Variants in DPP10 observed in about 807,000 individuals in gnomAD.
DPP10 encodes dipeptidyl peptidase like 10.
DPP10 carries 33 observed loss-of-function variants against 120.9 expected under a neutral mutation model. That is an observed-to-expected ratio of 0.27 (90% CI 0.21 to 0.37). The LOEUF is 0.37. DPP10 is among the 10% of genes least tolerant of loss of function. The probability of loss-of-function intolerance (pLI) is 1.00; values close to 1 mark genes in which losing one functional copy is unlikely to be tolerated. For synonymous variants in DPP10, 337 were observed against 326.1 expected (o/e 1.03, Z -0.36); for missense variants, 816 against 942.8 (o/e 0.87, Z 1.76).
chr2:115,390,400 G>A (rs952298425), intron 3 of DPP10, among the ~76,000 whole-genome samples: 2 of 152,108 alleles, frequency 1.3e-5, no homozygotes, highest in African/African-American at 2.4e-5. Flanking sequence ...TTGATGACAC[G>A]TTGCATGTGT....
intron 2 of DPP10, among the ~76,000 whole-genome samples, chr2:115,314,234 C>T (rs1411899086): frequency 2.6e-5 from 4 of 152,182 alleles, no homozygotes; most frequent in Non-Finnish European, 4.4e-5. Flanking sequence ...GAAATAGCCA[C>T]CTGCGAACTG....
intron 1 of DPP10, among the ~76,000 whole-genome samples, chr2:114,589,400 T>G (rs966008191): frequency 6.6e-6 from 1 of 152,220 alleles, no homozygotes; most frequent in Non-Finnish European, 1.5e-5. Context: ...CAAACAGATA[T>G]AACGTGAATT....
chr2:115,764,355 A>G (rs1000398835), intron 12 of DPP10, among the ~76,000 whole-genome samples: 9 of 152,106 alleles, frequency 5.9e-5, no homozygotes, highest in African/African-American at 2.2e-4. Flanking sequence ...TATTACGAGT[A>G]TATGTGTCTT....
intron 1 of DPP10, among the ~76,000 whole-genome samples, chr2:114,631,548 G>A (rs757756440): frequency 3.9e-5 from 6 of 152,174 alleles, no homozygotes; most frequent in Non-Finnish European, 8.8e-5. Context: ...AAAGGGACTG[G>A]AGAAATCTTT....
chr2:115,513,061 T>A (rs996760168), intron 4 of DPP10, among the ~76,000 whole-genome samples: 3 of 152,190 alleles, frequency 2.0e-5, no homozygotes, highest in African/African-American at 7.2e-5. Context: ...GTGAGCTCTA[T>A]TATTATGTGC....
At chr2:114,556,705 T>A (rs1688341500) in intron 1 of DPP10, among the ~76,000 whole-genome samples, 1 of 152,108 alleles carries the variant, frequency 6.6e-6, no homozygotes, top group African/African-American at 2.4e-5. Context: ...GTTTGAAGAC[T>A]GAGTTCTGGG....
At chr2:115,630,471 C>T (rs2085758451) in intron 5 of DPP10, among the ~76,000 whole-genome samples, 1 of 152,116 alleles carries the variant, frequency 6.6e-6, no homozygotes, top group African/African-American at 2.4e-5. Context: ...ACAGGACATC[C>T]TTGTCTTGTG....
At chr2:114,936,718 G>T (rs6733911) in intron 1 of DPP10, among the ~76,000 whole-genome samples, 2 of 151,746 alleles carry the variant, frequency 1.3e-5, no homozygotes, top group Admixed American at 6.6e-5. Context: ...ACAGTGTAGA[G>T]GTATTAACTT....
At position 115,691,165 on chromosome 2, in the gene DPP10, A is replaced by C. The variant is rs192496267; in HGVS notation, c.576+1244A>C. On this transcript the variant is annotated intron_variant, in intron 7 of 25. Coordinates refer to ENST00000410059, the MANE Select transcript of DPP10 (RefSeq NM_020868.6). ...CCTTATATGTTCTGGATATTAATACATTGTTTGGTCTATCTTCATCCAGTT... is the reference window on the plus strand; with the variant it reads ...CCTTATATGTTCTGGATATTAATACCTTGTTTGGTCTATCTTCATCCAGTT... Among the ~76,000 whole-genome samples, 212 of 151,884 alleles carry C rather than the reference A, an allele frequency of 1.4e-3. 1 individual carries two copies. The highest frequency in any genetic ancestry group is 2.2e-3 in the Non-Finnish European group (149 of 67,948).
At chr2:115,828,211 T>A (rs1453648972) in intron 21 of DPP10, among the ~76,000 whole-genome samples, 1 of 152,132 alleles carries the variant, frequency 6.6e-6, no homozygotes, top group Non-Finnish European at 1.5e-5. Context: ...ACCTTCTGGT[T>A]TGCATTTTTT....
At chr2:115,238,786 G>A (rs1239320155) in intron 1 of DPP10, among the ~76,000 whole-genome samples, 1 of 152,156 alleles carries the variant, frequency 6.6e-6, no homozygotes, top group Non-Finnish European at 1.5e-5. Flanking sequence ...TAAAGCAGTG[G>A]TAGATTGTAT....
chr2:115,757,280 A>G (rs1264566780), intron 11 of DPP10, among the ~76,000 whole-genome samples: 1 of 152,048 alleles, frequency 6.6e-6, no homozygotes, highest in African/African-American at 2.4e-5. Flanking sequence ...CACGTGTAAT[A>G]GTCTGTTTTC....
At chr2:115,611,459 C>T (rs1354581525) in intron 5 of DPP10, among the ~76,000 whole-genome samples, 3 of 152,112 alleles carry the variant, frequency 2.0e-5, no homozygotes, top group Non-Finnish European at 2.9e-5. Flanking sequence ...TTACCCCACA[C>T]AGCCTTGTTT....
At chr2:114,677,145 T>C (rs1272322794) in intron 1 of DPP10, among the ~76,000 whole-genome samples, 1 of 152,132 alleles carries the variant, frequency 6.6e-6, no homozygotes. Context: ...TGTTTTCACT[T>C]TCTTTTGTTT....
intron 11 of DPP10, 133 bp downstream of exon 11, chr2:115,753,430 T>C: frequency 1.2e-6 from 1 of 810,296 alleles, no homozygotes; most frequent in Middle Eastern, 4.0e-4. Context: ...AAAGAATTAT[T>C]CTATTAAGAA....
intron 1 of DPP10, among the ~76,000 whole-genome samples, chr2:114,860,262 CACT>C (rs1305689816): frequency 2.0e-5 from 3 of 152,286 alleles, no homozygotes; most frequent in African/African-American, 7.2e-5. Flanking sequence ...AATATAACAC[CACT>C]ACTAGTTACA....
At chr2:115,216,658 C>T (rs181691358) in intron 1 of DPP10, among the ~76,000 whole-genome samples, 9 of 151,956 alleles carry the variant, frequency 5.9e-5, no homozygotes, top group Admixed American at 5.9e-4. Context: ...CTGGCGGGCA[C>T]CTATAATCAC....
intron 1 of DPP10, among the ~76,000 whole-genome samples, chr2:115,200,265 G>C (rs2055602841): frequency 1.3e-5 from 2 of 152,200 alleles, no homozygotes; most frequent in Admixed American, 1.3e-4. Flanking sequence ...AGCATTGAGA[G>C]AGATCATTTG....
At chr2:115,396,340 G>A (rs370556552) in intron 3 of DPP10, among the ~76,000 whole-genome samples, 1 of 152,066 alleles carries the variant, frequency 6.6e-6, no homozygotes, top group Non-Finnish European at 1.5e-5. Flanking sequence ...AATACTGTCC[G>A]AGTATATTAC....
Sources: allele counts gnomAD v4.1 joint callset (sites outside exome capture counted in the v4.1 genomes callset), GRCh38; gene constraint gnomAD v4.1.1; transcripts MANE v1.5; gene names NCBI Gene and HGNC (gene_info 2026-07-23, HGNC 2026-07-21).